The following DFFB variants were observed in gnomAD, a reference collection of about 807,000 sequenced individuals.
DFFB encodes DNA fragmentation factor subunit beta.
Under a neutral mutation model 32.7 loss-of-function variants are expected in DFFB, and 29 were observed. The observed-to-expected ratio is 0.89, with a 90% confidence interval of 0.66 to 1.21. The LOEUF (loss-of-function observed/expected upper bound fraction) is 1.21. DFFB is among the 50% of genes most tolerant of loss of function. DFFB has a pLI of 0.00. For synonymous variants in DFFB, 170 were observed against 177.1 expected (o/e 0.96, Z 0.32); for missense variants, 398 against 440.6 (o/e 0.90, Z 0.87).
intron 5 of DFFB, 77 bp from the exon 6 acceptor site, chr1:3,872,393 CAG>C (rs1645134822): frequency 1.0e-5 from 11 of 1,078,514 alleles, no homozygotes; most frequent in African/African-American, 4.8e-5. Flanking sequence ...AGCCTGGCGA[CAG>C]AGCGAGGCGC....
chr1:3,870,001 C>A lies in DFFB; in HGVS notation c.681+226C>A, dbSNP rs1645078996. On this transcript the variant is annotated intron_variant, in intron 5 of 6. Transcript: ENST00000378209. ...GGGAGCTTGCAGAGGGCTGCAGGGC[C>A]CGCCCCAGGGCTTGTCTCGGTAGTG... 2.6e-5 allele frequency among the ~76,000 whole-genome samples: 4 copies of A among 152,240 alleles called. No homozygotes were observed. The South Asian group carries it at 8.3e-4, about 31-fold the overall frequency.
chr1:3,868,663 C>CACCACACCAT (rs1557716205), intron 4 of DFFB, among the ~76,000 whole-genome samples: 1 of 1,304 alleles, frequency 7.7e-4, no homozygotes, highest in Non-Finnish European at 1.5e-3. Flanking sequence ...CACCAGGCCA[C>CACCACACCAT]ACCACACCAC....
chr1:3,868,256 C>T (rs923189560), intron 4 of DFFB, among the ~76,000 whole-genome samples: 7 of 152,122 alleles, frequency 4.6e-5, no homozygotes, highest in African/African-American at 1.4e-4. Context: ...ACCCATCGGG[C>T]CTTTTCAGCT....
intron 2 of DFFB, among the ~76,000 whole-genome samples, chr1:3,862,563 G>A (rs1023812050): frequency 6.6e-6 from 1 of 152,164 alleles, no homozygotes; most frequent in African/African-American, 2.4e-5. Context: ...ATGTATCTGT[G>A]GTCAGGATGC....
intron 6 of DFFB, among the ~76,000 whole-genome samples, chr1:3,879,324 T>C (rs1645288975): frequency 6.6e-6 from 1 of 152,206 alleles, no homozygotes; most frequent in Non-Finnish European, 1.5e-5. Context: ...CTTCTCATTC[T>C]GCTCTCCTCA....
intron 2 of DFFB, among the ~76,000 whole-genome samples, chr1:3,864,224 G>A (rs906518208): frequency 5.3e-5 from 8 of 152,036 alleles, no homozygotes; most frequent in East Asian, 1.9e-4. Context: ...CTCGGCCTCC[G>A]AAAGTGCTGG....
intron 6 of DFFB, 103 bp from the exon 7 acceptor site, chr1:3,883,403 AC>A (rs1638230149): frequency 1.9e-6 from 2 of 1,076,364 alleles, no homozygotes; most frequent in Non-Finnish European, 2.7e-6. Context: ...CCGTGATAGC[AC>A]TTAGGGGAAT....
At chr1:3,869,840 C>T (rs921579586) in intron 5 of DFFB, 65 bp downstream of exon 5, 40 of 1,491,274 alleles carry the variant, frequency 2.7e-5, no homozygotes, top group South Asian at 3.9e-5. Context: ...CCGCCTGGGG[C>T]GAGGCGGGTG....
rs781323826 is a variant in DFFB at position 3,866,027 on chromosome 1, G to T, written c.430+27G>T. 6 of 1,515,842 alleles carry T rather than the reference G, an allele frequency of 4.0e-6. No individual in the cohort carries two copies. The Admixed American group carries it at 1.3e-4, about 33-fold the overall frequency. 93.9% of individuals were successfully genotyped at this position (1,515,842 alleles called of 1,614,324 possible). A position where few individuals can be genotyped will look rare whatever the true frequency, so the allele number is the denominator to read the frequency against. Reference sequence around the variant, plus strand: ...TGCGTGGGGGCTGCAGCTGGCAGGGGAGAGGCTTCTTTGGAGCCTGAGGTG... The same window carrying T: ...TGCGTGGGGGCTGCAGCTGGCAGGGTAGAGGCTTCTTTGGAGCCTGAGGTG... On this transcript the variant is annotated intron_variant, in intron 3 of 6. Transcript: ENST00000378209.
intron 2 of DFFB, among the ~76,000 whole-genome samples, chr1:3,859,438 G>C (rs1170506236): frequency 6.6e-6 from 1 of 152,202 alleles, no homozygotes; most frequent in Non-Finnish European, 1.5e-5. Context: ...CCGTAAAAGA[G>C]AGCTTTTGGC....
At chr1:3,883,448 G>T in intron 6 of DFFB, 59 bp from the exon 7 acceptor site, 1 of 1,496,444 alleles carries the variant, frequency 6.7e-7, no homozygotes, top group South Asian at 1.1e-5. Flanking sequence ...ACACTGCTAT[G>T]ACCTGTTGCC....
At chr1:3,880,573 C>T (rs1645315475) in intron 6 of DFFB, among the ~76,000 whole-genome samples, 1 of 152,182 alleles carries the variant, frequency 6.6e-6, no homozygotes, top group Non-Finnish European at 1.5e-5. Flanking sequence ...GTCTGCCTCT[C>T]CTGCTGGTGG....
intron 5 of DFFB, 125 bp downstream of exon 5, chr1:3,869,900 A>G (rs1470797551): frequency 3.9e-6 from 4 of 1,016,106 alleles, no homozygotes; most frequent in Non-Finnish European, 5.6e-6. Context: ...GAAGAGGTAC[A>G]GCCCTCACAT....
chr1:3,878,821 C>T (rs961082486), intron 6 of DFFB, among the ~76,000 whole-genome samples: 1 of 152,178 alleles, frequency 6.6e-6, no homozygotes, highest in Non-Finnish European at 1.5e-5. Context: ...TCAACAGATT[C>T]ACCCGTGTCT....
At chr1:3,867,930 T>C (rs1255375042) in intron 3 of DFFB, 44 bp from the exon 4 acceptor site, 1 of 1,596,104 alleles carries the variant, frequency 6.3e-7, no homozygotes, top group African/African-American at 1.3e-5. Context: ...CAGAGGCCCC[T>C]GGCCTGCCCT....
chr1:3,857,802 A>T, intron 1 of DFFB, 85 bp downstream of exon 1: 1 of 1,062,872 alleles, frequency 9.4e-7, no homozygotes, highest in South Asian at 1.9e-5. Flanking sequence ...TCCAAAACGG[A>T]GGGTGCAGGC....
chr1:3,873,226 G>A (rs1009015257), intron 6 of DFFB: 15 of 167,296 alleles, frequency 9.0e-5, no homozygotes, highest in Non-Finnish European at 1.8e-4. Flanking sequence ...AGCCGTACGA[G>A]CTCTATGGCT....
rs1644968721 is a variant in DFFB, at chr1:3,865,871, C to T, written c.301C>T (p.Gln101Ter). The T allele has an allele frequency of 6.2e-7, 1 of 1,614,084 alleles. No homozygotes were observed. The highest frequency in any genetic ancestry group is 8.5e-7 in the Non-Finnish European group (1 of 1,179,988). The change falls in exon 3 of 7, where the codon CAG becomes TAG. Residue 101 changes from glutamine (Q) to a stop codon, truncating the protein, a stop_gained. Transcript: ENST00000378209. LOFTEE classifies it high-confidence loss of function. The surrounding 1 kb of genome is among the most constrained non-coding windows in gnomAD (Gnocchi z 4.7). ...AFHEPQVGLI[Q>*]AAQQLLCDEQ... ...TCACGAGCCACAGGTGGGGCTCATC[C>T]AGGCCGCCCAGCAGCTGCTGTGTGA...
chr1:3,879,458 T>G (rs12028018), intron 6 of DFFB, among the ~76,000 whole-genome samples: 27,341 of 152,128 alleles, frequency 0.18, 2,506 homozygotes, highest in African/African-American at 0.21. Flanking sequence ...GATAAGGTCT[T>G]TGGGAGATAA....
Sources: allele counts gnomAD v4.1 joint callset (sites outside exome capture counted in the v4.1 genomes callset), GRCh38; gene constraint gnomAD v4.1.1; non-coding constraint Gnocchi (gnomAD v3.1); transcripts MANE v1.5; gene names NCBI Gene and HGNC (gene_info 2026-07-23, HGNC 2026-07-21).